Variants in SLC25A21 observed in about 807,000 individuals in gnomAD.
SLC25A21 encodes solute carrier family 25 member 21.
A neutral mutation model predicts 43.8 loss-of-function variants in SLC25A21; 47 were observed. The observed-to-expected ratio is 1.07, with a 90% CI of 0.85 to 1.37. The LOEUF is 1.37. Ranked by LOEUF, SLC25A21 falls within the 40% of genes most tolerant of loss-of-function variation. The pLI, the probability that SLC25A21 is intolerant of heterozygous loss-of-function variation, is 0.00. For synonymous variants in SLC25A21, 131 were observed against 121.3 expected (o/e 1.08, Z -0.52); for missense variants, 352 against 350.2 (o/e 1.00, Z -0.04).
chr14:37,111,394 T>C (rs1018330204), intron 1 of SLC25A21, among the ~76,000 whole-genome samples: 3 of 152,108 alleles, frequency 2.0e-5, no homozygotes, highest in Non-Finnish European at 2.9e-5. Context: ...ATGTTAGTTT[T>C]TAAATACTGA....
Position 36,983,774 on chromosome 14 carries a change from G to GTA in SLC25A21, c.71-108772_71-108771dup, listed in dbSNP as rs561047754. ...GTTAAGTGGATAAAGAAAACGTGTG[G>GTA]TATATATATATACACAACGGAATAC... On this transcript the variant is annotated intron_variant, in intron 1 of 9. Transcript: ENST00000331299. 3.9e-3 allele frequency among the ~76,000 whole-genome samples: 596 copies of GTA among 151,876 alleles called. 4 individuals are homozygous for GTA. The highest frequency in any genetic ancestry group is 0.013 in the African/African-American group (547 of 41,436).
chr14:37,037,648 TTC>T (rs1454056093), intron 1 of SLC25A21, among the ~76,000 whole-genome samples: 2 of 152,204 alleles, frequency 1.3e-5, no homozygotes, highest in Non-Finnish European at 2.9e-5. Context: ...CTTGCTTATG[TTC>T]TGACCCTGCC....
At chr14:36,769,374 G>C (rs900787145) in intron 3 of SLC25A21, among the ~76,000 whole-genome samples, 2 of 152,174 alleles carry the variant, frequency 1.3e-5, no homozygotes, top group Non-Finnish European at 2.9e-5. Context: ...GTTCTTGAAA[G>C]AGTTGTCAAT....
chr14:36,869,255 G>C (rs964169704), intron 2 of SLC25A21, among the ~76,000 whole-genome samples: 10 of 152,160 alleles, frequency 6.6e-5, no homozygotes, highest in Non-Finnish European at 1.3e-4. Flanking sequence ...ACTTTGCATA[G>C]TTTCAAATAC....
At chr14:37,086,715 T>C (rs1423635055) in intron 1 of SLC25A21, among the ~76,000 whole-genome samples, 5 of 152,150 alleles carry the variant, frequency 3.3e-5, no homozygotes, top group African/African-American at 1.2e-4. Context: ...CATCAAGAGA[T>C]GGTGATAATT....
intron 6 of SLC25A21, among the ~76,000 whole-genome samples, chr14:36,722,544 T>C (rs1884417863): frequency 1.3e-5 from 2 of 152,190 alleles, no homozygotes; most frequent in Non-Finnish European, 2.9e-5. Flanking sequence ...ATGGGGTTCA[T>C]AGGAAGTCTC....
intron 2 of SLC25A21, among the ~76,000 whole-genome samples, chr14:36,815,045 CA>C (rs779063944): frequency 6.6e-6 from 1 of 152,184 alleles, no homozygotes; most frequent in South Asian, 2.1e-4. Flanking sequence ...TGGAAGCCAT[CA>C]TTCTCAGCAA....
intron 2 of SLC25A21, among the ~76,000 whole-genome samples, chr14:36,817,988 A>G (rs956673373): frequency 6.6e-6 from 1 of 152,240 alleles, no homozygotes; most frequent in Non-Finnish European, 1.5e-5. Flanking sequence ...GAGTTCTTGA[A>G]TACAACTATT....
rs371011680 is a variant in SLC25A21, at chr14:36,680,507, T to C, written c.*151A>G. 3.0e-5 allele frequency: 39 copies of C among 1,291,246 alleles called. 1 individual carries two copies. The African/African-American group carries it at 3.8e-4, about 13-fold the overall frequency. 80.0% of individuals were successfully genotyped at this position (1,291,246 alleles called of 1,614,324 possible). A position where few individuals can be genotyped will look rare whatever the true frequency, so the allele number is the denominator to read the frequency against. ...CAAAACTATAATCTCAAGTTGCCTA[T>C]AGACATTTTTTAAAGTATTAAAATA... On this transcript the variant is annotated 3_prime_UTR_variant, in exon 10 of 10. Coordinates refer to ENST00000331299, the MANE Select transcript of SLC25A21 (RefSeq NM_030631.4).
At chr14:36,803,181 G>A (rs1187960720) in intron 3 of SLC25A21, among the ~76,000 whole-genome samples, 1 of 152,162 alleles carries the variant, frequency 6.6e-6, no homozygotes, top group African/African-American at 2.4e-5. Flanking sequence ...TCTGTGGCAG[G>A]CTCTGGGAGA....
chr14:36,701,432 C>T (rs1325228396), intron 7 of SLC25A21, among the ~76,000 whole-genome samples: 3 of 152,142 alleles, frequency 2.0e-5, no homozygotes, highest in African/African-American at 7.2e-5. Flanking sequence ...GGAATGAAAT[C>T]AAAGTCTTGT....
chr14:37,170,271 T>G (rs1964100382), intron 1 of SLC25A21, among the ~76,000 whole-genome samples: 1 of 152,144 alleles, frequency 6.6e-6, no homozygotes, highest in African/African-American at 2.4e-5. Context: ...CTTGACCTGG[T>G]GATCCGCCTG....
intron 1 of SLC25A21, among the ~76,000 whole-genome samples, chr14:37,070,476 ATAT>A (rs1962148454): frequency 6.6e-6 from 1 of 152,170 alleles, no homozygotes; most frequent in African/African-American, 2.4e-5. Context: ...AGTTTGTATG[ATAT>A]TATAAATTTT....
intron 3 of SLC25A21, among the ~76,000 whole-genome samples, chr14:36,802,911 G>T (rs1472467536): frequency 6.6e-6 from 1 of 152,010 alleles, no homozygotes; most frequent in Non-Finnish European, 1.5e-5. Context: ...CAAACCAGAG[G>T]GTAAAAATTT....
chr14:36,734,903 T>C (rs994510442), intron 3 of SLC25A21, among the ~76,000 whole-genome samples: 5 of 152,200 alleles, frequency 3.3e-5, no homozygotes, highest in African/African-American at 4.8e-5. Flanking sequence ...CTTCAAGCTA[T>C]CTACAGTCCT....
At chr14:36,955,499 A>G (rs1959315573) in intron 1 of SLC25A21, among the ~76,000 whole-genome samples, 1 of 152,182 alleles carries the variant, frequency 6.6e-6, no homozygotes, top group African/African-American at 2.4e-5. Flanking sequence ...TAGATGGCCT[A>G]CTTGACTTGT....
At position 37,117,239 on chromosome 14, in the gene SLC25A21, C is replaced by G. The variant is rs79165023; in HGVS notation, c.70+55042G>C. 3.3e-5 allele frequency among the ~76,000 whole-genome samples: 5 copies of G among 152,218 alleles called. No homozygotes were observed. The East Asian group carries it at 9.7e-4, about 29-fold the overall frequency. On this transcript the variant is annotated intron_variant, in intron 1 of 9. Transcript: ENST00000331299. Reference sequence around the variant, plus strand: ...AGTCTAAGTAAATAATTCCTCTCATCATCTAAACTTTTTTTCAGGGCATCA... The same window carrying G: ...AGTCTAAGTAAATAATTCCTCTCATGATCTAAACTTTTTTTCAGGGCATCA...
chr14:37,012,132 A>G (rs1228326018), intron 1 of SLC25A21, among the ~76,000 whole-genome samples: 3 of 152,214 alleles, frequency 2.0e-5, no homozygotes, highest in African/African-American at 7.2e-5. Context: ...TGACAAATTA[A>G]TACCTGTCAG....
chr14:36,937,231 T>C (rs1892445634), intron 1 of SLC25A21, among the ~76,000 whole-genome samples: 1 of 152,154 alleles, frequency 6.6e-6, no homozygotes, highest in East Asian at 1.9e-4. Context: ...CTCCTAGAAA[T>C]AATATAGCCA....
Sources: gnomAD v4.1 joint callset for allele counts (sites outside exome capture counted in the v4.1 genomes callset) on GRCh38, gnomAD v4.1.1 for gene constraint, MANE v1.5 for transcripts, NCBI Gene and HGNC (gene_info 2026-07-23, HGNC 2026-07-21) for gene names.